Variants in SLC2A2 observed in about 807,000 individuals in gnomAD.
SLC2A2 encodes the protein solute carrier family 2, facilitated glucose transporter member 2.
A neutral mutation model predicts 54.5 loss-of-function variants in SLC2A2; 36 were observed. That is an observed-to-expected ratio of 0.66 (90% CI 0.51 to 0.87). The LOEUF (loss-of-function observed/expected upper bound fraction) is 0.87, where lower values mean the gene tolerates loss of function less well. SLC2A2 is among the 40% of genes least tolerant of loss of function. The pLI is 0.00. For missense variants in SLC2A2, 543 were observed against 624.3 expected (o/e 0.87, Z 1.39); for synonymous variants, 223 against 219.1 (o/e 1.02, Z -0.16).
At chr3:171,020,525 A>G (rs1716406463) in intron 1 of SLC2A2, among the ~76,000 whole-genome samples, 1 of 152,168 alleles carries the variant, frequency 6.6e-6, no homozygotes, top group African/African-American at 2.4e-5. Context: ...TGGTTATATG[A>G]TACATATATA....
Position 170,997,588 on chromosome 3 carries a change from T to A in SLC2A2, c.*315A>T. On this transcript the variant is annotated 3_prime_UTR_variant, in exon 11 of 11. Transcript: ENST00000314251. ...TTCTAGTTATGTGTTAAAAAAATGA[T>A]ATGTTGAAATCTCTTCAATTTTAGA... is the stretch of plus-strand genomic sequence containing the variant. 1 of 261,524 alleles carries A rather than the reference T, an allele frequency of 3.8e-6. No homozygotes were observed. The highest frequency in any genetic ancestry group is 5.0e-5 in the Admixed American group (1 of 19,938). The allele number at this position is 261,524 out of a possible 1,614,324, so 16.2% of individuals were successfully genotyped here.
At chr3:171,016,530 T>C (rs1055002002) in intron 2 of SLC2A2, among the ~76,000 whole-genome samples, 1 of 152,156 alleles carries the variant, frequency 6.6e-6, no homozygotes, top group East Asian at 1.9e-4. Flanking sequence ...CAAATAATTA[T>C]GGGTATTTTT....
Position 171,006,000 on chromosome 3 carries a change from G to A in SLC2A2, c.718C>T (p.Pro240Ser). 1 of 1,612,550 alleles carries A rather than the reference G, an allele frequency of 6.2e-7. No homozygotes were observed. The highest frequency in any genetic ancestry group is 1.3e-5 in the African/African-American group (1 of 74,904). ...ILQSLLLFFC[P>S]ESPRYLYIKL... is the part of the protein sequence containing the mutation. The stretch of plus-strand genomic sequence containing the variant: ...ATGTAAAGGTATCTGGGGCTTTCTG[G>A]ACAGAAAAAGAGTAGCAGAGACTGA... Residue 240 changes from proline (P) to serine (S), a missense_variant, in exon 6 of 11, where the codon CCA becomes TCA. Around this residue, in one of 3 missense-constraint regions of SLC2A2, gnomAD observed 318 missense variants for 343.8 expected, o/e 0.93. Transcript: ENST00000314251.
Position 171,007,152 on chromosome 3 carries a change from C to G in SLC2A2, c.608G>C (p.Ser203Thr). The stretch of plus-strand genomic sequence containing the variant: ...ATAAGGATGGGGAGTTTTTACCTGA[C>G]TAATAAGAATGCCCGTGACGATGGC... The part of the protein sequence containing the change: ...QLAIVTGILI[S>T]QIIGLEFILG... Residue 203 changes from serine (S) to threonine (T), a missense_variant, in exon 5 of 11, where the codon AGT (serine) becomes ACT (threonine). Around this residue, in one of 3 missense-constraint regions of SLC2A2, gnomAD observed 318 missense variants for 343.8 expected, o/e 0.93. Transcript: ENST00000314251. The G allele has an allele frequency of 3.1e-6, 5 of 1,601,704 alleles. No individual in the cohort carries two copies. Among genetic ancestry groups the G allele is most frequent in the Non-Finnish European group, 4.3e-6 (5 of 1,169,318 alleles).
rs1441609052 is a variant in SLC2A2 at position 171,002,566 on chromosome 3, A to G, written c.1068+10T>C. On this transcript the variant is annotated intron_variant, in intron 8 of 10. Coordinates refer to ENST00000314251, the MANE Select transcript of SLC2A2 (RefSeq NM_000340.2). The stretch of plus-strand genomic sequence containing the variant: ...AACAAGCAGAGTATTTATCTAGGGC[A>G]TTGACTTACAGAGACAGCAGTGAAA... 3.2e-6 allele frequency: 5 copies of G among 1,555,056 alleles called. No homozygotes were observed. Among genetic ancestry groups the G allele is most frequent in the Non-Finnish European group, 4.4e-6 (5 of 1,128,030 alleles).
chr3:171,024,727 T>G (rs1350454499), intron 1 of SLC2A2, among the ~76,000 whole-genome samples: 1 of 152,170 alleles, frequency 6.6e-6, no homozygotes, highest in Non-Finnish European at 1.5e-5. Context: ...TTTATGTCAT[T>G]TGTCTGATTT....
intron 2 of SLC2A2, among the ~76,000 whole-genome samples, chr3:171,016,520 C>T (rs188355145): frequency 6.6e-6 from 1 of 152,182 alleles, no homozygotes; most frequent in Admixed American, 6.5e-5. Flanking sequence ...ATGTTCTCAG[C>T]AAATAATTAT....
chr3:171,025,012 T>C (rs1270744484), intron 1 of SLC2A2, among the ~76,000 whole-genome samples: 1 of 152,236 alleles, frequency 6.6e-6, no homozygotes, highest in Non-Finnish European at 1.5e-5. Context: ...GTTAAGCACA[T>C]TACCTTCCTT....
chr3:170,998,686 T>G (rs114035071), intron 9 of SLC2A2, among the ~76,000 whole-genome samples: 1,923 of 152,242 alleles, frequency 0.013, 44 homozygotes, highest in African/African-American at 0.044. Context: ...GACAAGATGT[T>G]TAGCTCCCTG....
rs1489461916 is a variant in SLC2A2 at position 171,005,911 on chromosome 3, TAGG to T, written c.775+29_775+31del. 5 of 1,600,452 alleles carry T rather than the reference TAGG, an allele frequency of 3.1e-6. No homozygotes were observed. In the Admixed American group the frequency reaches 8.4e-5, roughly 27 times the overall value. On this transcript the variant is annotated intron_variant, in intron 6 of 10. Coordinates refer to ENST00000314251, the MANE Select transcript of SLC2A2 (RefSeq NM_000340.2). Reference sequence around the variant, plus strand: ...ACATTAGCTGATAATGCCAAAACAATAGGAAGAAAGAAAAACCATCCACAGACT... The same window carrying T: ...ACATTAGCTGATAATGCCAAAACAATAAGAAAGAAAAACCATCCACAGACT...
rs774800944 is a variant in SLC2A2 at position 171,005,369 on chromosome 3, C to T, written c.879G>A (p.Gln293=). The T allele has an allele frequency of 6.2e-7, 1 of 1,612,998 alleles. No individual in the cohort carries two copies. The highest frequency in any genetic ancestry group is 8.5e-7 in the Non-Finnish European group (1 of 1,179,318). Residue 293 remains glutamine, a synonymous_variant, in exon 7 of 11, where the codon CAG becomes CAA. Coordinates refer to ENST00000314251, the MANE Select transcript of SLC2A2 (RefSeq NM_000340.2). ...GTCGGTAGCTGGAATTGGTGAAGAG[C>T]TGAATTATAGAGACTTTCTGCTCAC... The part of the protein sequence containing the change: ...ASSEQKVSII[Q]LFTNSSYRQP...
intron 2 of SLC2A2, among the ~76,000 whole-genome samples, chr3:171,015,340 C>G (rs758004378): frequency 1.3e-5 from 2 of 152,046 alleles, no homozygotes; most frequent in Non-Finnish European, 2.9e-5. Context: ...CATGGTGGCA[C>G]ATGCCTGTAG....
At chr3:171,018,471 A>G (rs762980381) in intron 2 of SLC2A2, 60 bp downstream of exon 2, 5 of 1,147,506 alleles carry the variant, frequency 4.4e-6, no homozygotes, top group Non-Finnish European at 6.6e-6. Context: ...TATGAGGAAC[A>G]TATGATATCT....
intron 7 of SLC2A2, among the ~76,000 whole-genome samples, chr3:171,003,083 A>G (rs903431408): frequency 6.6e-6 from 1 of 151,946 alleles, no homozygotes; most frequent in African/African-American, 2.4e-5. Context: ...AACTTCTTAA[A>G]TCTCCCTTTA....
chr3:171,006,071 TC>T lies in SLC2A2; in HGVS notation c.646del (p.Asp216IlefsTer35). The T allele has an allele frequency of 6.2e-7, 1 of 1,612,552 alleles. No individual in the cohort carries two copies. Among genetic ancestry groups the T allele is most frequent in the Non-Finnish European group, 8.5e-7 (1 of 1,179,056 alleles). On this transcript the variant is annotated frameshift_variant, in exon 6 of 11. Transcript: ENST00000314251. LOFTEE classifies it high-confidence loss of function. ...CAGGCCAAGCAGGATGTGCCACAGATCATAATTGCCCAAGATAAATTCAAGA... is the reference window on the plus strand; with the variant it reads ...CAGGCCAAGCAGGATGTGCCACAGATATAATTGCCCAAGATAAATTCAAGA... ...IGLEFILGNY[D>X]LWHILLGLSG...
chr3:171,002,447 C>T (rs1715383382), intron 8 of SLC2A2, 129 bp downstream of exon 8: 7 of 704,062 alleles, frequency 9.9e-6, no homozygotes, highest in Non-Finnish European at 1.6e-5. Flanking sequence ...TCATGACTCA[C>T]TTGGGTTTAC....
chr3:171,026,587 A>G (rs550320688), intron 1 of SLC2A2, 69 bp downstream of exon 1: 2 of 1,342,478 alleles, frequency 1.5e-6, no homozygotes, highest in Admixed American at 3.4e-5. Context: ...AATCCTCTGT[A>G]TGACTTGACT....
rs1715127950 is a variant in SLC2A2, at chr3:170,997,364, C to T, written c.*539G>A. The stretch of plus-strand genomic sequence containing the variant: ...CTATAATCCATTCCACATGAAAATA[C>T]AGAACAAAAGTAAAATTTTAAGCAA... On this transcript the variant is annotated 3_prime_UTR_variant, in exon 11 of 11. Coordinates refer to ENST00000314251, the MANE Select transcript of SLC2A2 (RefSeq NM_000340.2). 6.5e-6 allele frequency: 1 copy of T among 154,528 alleles called. No homozygotes were observed. The highest frequency in any genetic ancestry group is 2.4e-5 in the African/African-American group (1 of 41,380). 9.6% of individuals were successfully genotyped at this position (154,528 alleles called of 1,614,324 possible).
At chr3:171,015,927 C>T (rs1479450322) in intron 2 of SLC2A2, among the ~76,000 whole-genome samples, 1 of 151,990 alleles carries the variant, frequency 6.6e-6, no homozygotes, top group Admixed American at 6.6e-5. Context: ...AATTATAGGA[C>T]ATGGGAGGAA....
Sources: allele counts gnomAD v4.1 joint callset (sites outside exome capture counted in the v4.1 genomes callset), GRCh38; gene constraint gnomAD v4.1.1; regional missense constraint gnomAD v4.1.1; transcripts MANE v1.5; gene names NCBI Gene and HGNC (gene_info 2026-07-23, HGNC 2026-07-21).